Variants in CPA6 observed in about 807,000 individuals in gnomAD.
CPA6 encodes the protein carboxypeptidase B.
A neutral mutation model predicts 63.3 loss-of-function variants in CPA6; 58 were observed. The ratio of observed to expected loss-of-function variants is 0.92; its 90% CI spans 0.74 to 1.14. The LOEUF is 1.14. Among genes scored for constraint, CPA6 ranks in the 50% most tolerant of loss-of-function variants. The pLI is 0.00. For synonymous variants in CPA6, 185 were observed against 179.0 expected (o/e 1.03, Z -0.27); for missense variants, 565 against 526.6 (o/e 1.07, Z -0.71).
At chr8:67,711,045 G>T (rs1817250026) in intron 1 of CPA6, among the ~76,000 whole-genome samples, 1 of 152,134 alleles carries the variant, frequency 6.6e-6, no homozygotes. Context: ...GGTCCAAAGT[G>T]CCTGGTTTGA....
intron 1 of CPA6, among the ~76,000 whole-genome samples, chr8:67,624,809 G>A (rs1242354444): frequency 6.6e-6 from 1 of 152,144 alleles, no homozygotes; most frequent in Non-Finnish European, 1.5e-5. Context: ...AGGGCCGTCG[G>A]CGTTAGACAC....
chr8:67,651,152 A>G (rs1815827784), intron 1 of CPA6, among the ~76,000 whole-genome samples: 1 of 152,196 alleles, frequency 6.6e-6, no homozygotes, highest in Non-Finnish European at 1.5e-5. Flanking sequence ...TTGTGATTAC[A>G]TGAAGGTCTT....
At chr8:67,449,173 A>G (rs750276346) in intron 8 of CPA6, among the ~76,000 whole-genome samples, 1 of 152,104 alleles carries the variant, frequency 6.6e-6, no homozygotes, top group Non-Finnish European at 1.5e-5. Flanking sequence ...AATTGCTTGA[A>G]ACAGGGAGGC....
intron 1 of CPA6, among the ~76,000 whole-genome samples, chr8:67,720,396 T>C (rs34621625): frequency 0.14 from 21,006 of 152,204 alleles, 1,634 homozygotes; most frequent in African/African-American, 0.19. Context: ...ATGGCTTGGC[T>C]TGGGCTCAGA....
intron 6 of CPA6, among the ~76,000 whole-genome samples, chr8:67,486,029 A>T (rs1275361996): frequency 6.6e-6 from 1 of 152,178 alleles, no homozygotes; most frequent in Non-Finnish European, 1.5e-5. Context: ...TCAAGGTTGA[A>T]CACATTAAGG....
intron 1 of CPA6, among the ~76,000 whole-genome samples, chr8:67,648,013 A>G (rs1296896111): frequency 6.6e-6 from 1 of 152,182 alleles, no homozygotes; most frequent in Non-Finnish European, 1.5e-5. Context: ...ATGAATTTGT[A>G]TGCTTTTTGT....
Position 67,564,588 on chromosome 8 carries a change from A to C in CPA6, c.193-46541T>G, listed in dbSNP as rs138791797. Reference sequence around the variant, plus strand: ...CAGTACAGAGCTGAATCAAAGGCACAGAATGTTCTTGTAGCTGTCATACCA... The same window carrying C: ...CAGTACAGAGCTGAATCAAAGGCACCGAATGTTCTTGTAGCTGTCATACCA... On this transcript the variant is annotated intron_variant, in intron 2 of 10. Coordinates refer to ENST00000297770, the MANE Select transcript of CPA6 (RefSeq NM_020361.5). 1.6e-3 allele frequency among the ~76,000 whole-genome samples: 243 copies of C among 152,298 alleles called. 2 individuals carry two copies. The East Asian group carries it at 0.043, about 27-fold the overall frequency.
At chr8:67,535,461 T>C (rs1166866519) in intron 2 of CPA6, among the ~76,000 whole-genome samples, 3 of 152,228 alleles carry the variant, frequency 2.0e-5, no homozygotes, top group African/African-American at 7.2e-5. Flanking sequence ...TGACCAGTGA[T>C]GATGAGATGA....
chr8:67,500,666 GTTTTACA>G (rs1235604328), intron 6 of CPA6, among the ~76,000 whole-genome samples: 1 of 150,016 alleles, frequency 6.7e-6, no homozygotes, highest in African/African-American at 2.5e-5. Context: ...AAGTTTTATC[GTTTTACA>G]TTTTACATTT....
intron 2 of CPA6, among the ~76,000 whole-genome samples, chr8:67,562,207 G>A (rs1354796892): frequency 6.6e-6 from 1 of 152,124 alleles, no homozygotes; most frequent in Admixed American, 6.5e-5. Flanking sequence ...TCCCCATCTA[G>A]GCCTTTCCAA....
chr8:67,502,868 T>C (rs897584390), intron 6 of CPA6, among the ~76,000 whole-genome samples: 1 of 152,178 alleles, frequency 6.6e-6, no homozygotes, highest in African/African-American at 2.4e-5. Flanking sequence ...TATTTTATAC[T>C]TGTTGAGGTC....
In CPA6 at chr8:67,422,547, G is replaced by A. The variant is rs72654981; in HGVS notation, c.1271C>T (p.Ala424Val). The A allele has an allele frequency of 2.3e-4, 374 of 1,614,102 alleles. No individual in the cohort carries two copies. The highest frequency in any genetic ancestry group is 2.8e-4 in the Non-Finnish European group (334 of 1,179,982). Residue 424 changes from alanine (A) to valine (V), a missense_variant, in exon 11 of 11, where the codon GCT becomes GTT. Ala to Val is a moderately conservative substitution (Grantham distance 64). Coordinates refer to ENST00000297770, the MANE Select transcript of CPA6 (RefSeq NM_020361.5). ...IKPTCTETML[A>V]VKNITMHLLK... ...CAGGTGCATTGTGATATTTTTCACA[G>A]CCAGCATAGTTTCTGTACAGGTGGG...
chr8:67,538,032 G>T (rs558002249), intron 2 of CPA6, among the ~76,000 whole-genome samples: 52 of 152,256 alleles, frequency 3.4e-4, no homozygotes, highest in African/African-American at 1.2e-3. Context: ...TAATTTGATT[G>T]CACTGTGGTC....
At chr8:67,473,636 ACT>A (rs150781212) in intron 8 of CPA6, among the ~76,000 whole-genome samples, 10,290 of 152,100 alleles carry the variant, frequency 0.068, 799 homozygotes, top group African/African-American at 0.19. Context: ...ACAAGGTCTC[ACT>A]CTGTCACCCA....
intron 8 of CPA6, among the ~76,000 whole-genome samples, chr8:67,483,053 CA>C: frequency 6.6e-6 from 1 of 152,226 alleles, no homozygotes; most frequent in South Asian, 2.1e-4. Context: ...TTCCATTACA[CA>C]AGGGTCTATA....
Position 67,721,728 on chromosome 8 carries a change from A to G in CPA6, c.116+24286T>C, listed in dbSNP as rs543650939. ...GGGAAAAAAACCCCAGAAATTTTGC[A>G]TGTTTGAATTTTACAAATTTTGCCT... On this transcript the variant is annotated intron_variant, in intron 1 of 10. Coordinates refer to ENST00000297770, the MANE Select transcript of CPA6 (RefSeq NM_020361.5). 1.7e-4 allele frequency among the ~76,000 whole-genome samples: 26 copies of G among 152,304 alleles called. No individual in the cohort carries two copies. In the South Asian group the frequency reaches 5.2e-3, roughly 30 times the overall value.
intron 2 of CPA6, among the ~76,000 whole-genome samples, chr8:67,548,237 C>T (rs533661660): frequency 2.0e-4 from 29 of 142,858 alleles, no homozygotes; most frequent in African/African-American, 7.2e-4. Context: ...CCCCTCCCCT[C>T]TCCTCTCTTT....
chr8:67,605,080 G>GTTTTTTTTTT (rs34741776), intron 2 of CPA6, among the ~76,000 whole-genome samples: 6 of 145,016 alleles, frequency 4.1e-5, no homozygotes, highest in Admixed American at 1.4e-4. Flanking sequence ...GCCCAGCCAC[G>GTTTTTTTTTT]TTTTTTTTTT....
At chr8:67,601,179 A>G (rs1814488676) in intron 2 of CPA6, among the ~76,000 whole-genome samples, 1 of 152,206 alleles carries the variant, frequency 6.6e-6, no homozygotes, top group African/African-American at 2.4e-5. Flanking sequence ...CTGTGCTGGC[A>G]CATGCAATGT....
Sources: gnomAD v4.1 joint callset for allele counts (sites outside exome capture counted in the v4.1 genomes callset) on GRCh38, gnomAD v4.1.1 for gene constraint, MANE v1.5 for transcripts, NCBI Gene and HGNC (gene_info 2026-07-23, HGNC 2026-07-21) for gene names.